CD8B2: variants seen among roughly 807,000 people sequenced by gnomAD.
CD8B2 encodes the protein T-cell surface glycoprotein CD8 beta-2 chain.
CD8B2 carries 11 observed loss-of-function variants against 23.7 expected under a neutral mutation model. The ratio of observed to expected loss-of-function variants is 0.46; its 90% CI spans 0.29 to 0.77. The LOEUF (loss-of-function observed/expected upper bound fraction) is 0.77. Among genes scored for constraint, CD8B2 ranks in the 30% least tolerant of loss-of-function variants. CD8B2 has a pLI of 0.09. For missense variants in CD8B2, 197 were observed against 270.5 expected, an observed-to-expected ratio of 0.73 and a Z score of 1.91; for synonymous variants, 90 against 109.3, an observed-to-expected ratio of 0.82 and a Z score of 1.10.
intron 5 of CD8B2, among the ~76,000 whole-genome samples, chr2:106,532,995 A>G (rs1680012911): frequency 6.6e-6 from 1 of 152,216 alleles, no homozygotes; most frequent in Admixed American, 6.5e-5. Context: ...GCACCAGAGA[A>G]TAAGCTGCTG....
At chr2:106,493,170 C>G (rs986953550) in intron 2 of CD8B2, among the ~76,000 whole-genome samples, 169 of 152,294 alleles carry the variant, frequency 1.1e-3, no homozygotes, top group Non-Finnish European at 1.7e-3. Context: ...GCAATCAGAC[C>G]TTCTTCGGAG....
chr2:106,524,013 T>TC (rs1316093634), intron 5 of CD8B2, among the ~76,000 whole-genome samples: 1 of 152,162 alleles, frequency 6.6e-6, no homozygotes, highest in Admixed American at 6.5e-5. Flanking sequence ...AAATATCAGT[T>TC]CTCTTAGACA....
intron 1 of CD8B2, among the ~76,000 whole-genome samples, chr2:106,490,534 T>C (rs1002273214): frequency 2.0e-5 from 3 of 152,208 alleles, no homozygotes; most frequent in African/African-American, 7.2e-5. Context: ...CAAGACCCCA[T>C]GTCTTTTAAA....
chr2:106,520,728 G>C (rs1679810578), intron 5 of CD8B2, among the ~76,000 whole-genome samples: 2 of 151,984 alleles, frequency 1.3e-5, no homozygotes, highest in African/African-American at 4.8e-5. Context: ...AAATTAGCCG[G>C]ATGTGGTGCC....
intron 5 of CD8B2, among the ~76,000 whole-genome samples, chr2:106,530,655 G>A (rs917722688): frequency 6.6e-6 from 1 of 152,118 alleles, no homozygotes; most frequent in African/African-American, 2.4e-5. Context: ...CTTGAATAGG[G>A]GCTAGGTAAG....
intron 5 of CD8B2, among the ~76,000 whole-genome samples, chr2:106,538,396 T>C (rs986020028): frequency 5.3e-5 from 8 of 152,194 alleles, no homozygotes; most frequent in African/African-American, 1.9e-4. Flanking sequence ...CTTTTCTCTT[T>C]ACTTGTTCTT....
Position 106,509,559 on chromosome 2 carries a change from T to C in CD8B2, c.*2619T>C, listed in dbSNP as rs1403762349. 1.3e-5 allele frequency: 2 copies of C among 151,982 alleles called. No homozygotes were observed. The highest frequency in any genetic ancestry group is 4.8e-5 in the African/African-American group (2 of 41,340). The allele number at this position is 151,982 out of a possible 1,614,324, so 9.4% of individuals were successfully genotyped here. The stretch of plus-strand genomic sequence containing the variant: ...GCATGTACTTGTTCACAAGTTCTCA[T>C]GGGGTTGGGCTGGGGGCAGGGGTGG... On this transcript the variant is annotated 3_prime_UTR_variant, in exon 6 of 6. Coordinates refer to ENST00000643224, the MANE Select transcript of CD8B2 (RefSeq NM_001349727.2).
chr2:106,487,985 TG>T (rs1346162586), intron 1 of CD8B2, among the ~76,000 whole-genome samples: 1 of 152,096 alleles, frequency 6.6e-6, no homozygotes, highest in Non-Finnish European at 1.5e-5. Context: ...CTGATGTGGC[TG>T]GTGTTGGGTG....
At chr2:106,530,483 A>G (rs1190634633) in intron 5 of CD8B2, among the ~76,000 whole-genome samples, 1 of 151,988 alleles carries the variant, frequency 6.6e-6, no homozygotes, top group African/African-American at 2.4e-5. Flanking sequence ...GGTTCACGCC[A>G]TTCTCCCGCC....
At chr2:106,503,907 C>T in intron 4 of CD8B2, among the ~76,000 whole-genome samples, 1 of 152,228 alleles carries the variant, frequency 6.6e-6, no homozygotes, top group Non-Finnish European at 1.5e-5. Flanking sequence ...GACTGCCTGT[C>T]TCTGGGACCT....
intron 5 of CD8B2, among the ~76,000 whole-genome samples, chr2:106,526,484 C>T (rs755672661): frequency 2.5e-4 from 38 of 152,092 alleles, no homozygotes; most frequent in Non-Finnish European, 5.0e-4. Context: ...ATTTGCCTGT[C>T]GTAGACATTT....
downstream of CD8B2, among the ~76,000 whole-genome samples, chr2:106,511,471 G>T (rs1679630011): frequency 6.7e-6 from 1 of 148,760 alleles, no homozygotes; most frequent in African/African-American, 2.5e-5. Flanking sequence ...CTTTCAGTGG[G>T]AAGTAGCCTG....
rs894389790 is a variant in CD8B2 at position 106,510,117 on chromosome 2, C to T, written c.*3177C>T. ...TCTTAATACAATATATGGCGCAATA[C>T]GTAGTCACTGTTAAAATTCAAGCAC... On this transcript the variant is annotated 3_prime_UTR_variant, in exon 6 of 6. Transcript: ENST00000643224. 6.6e-6 allele frequency: 1 copy of T among 152,204 alleles called. No individual in the cohort carries two copies. The highest frequency in any genetic ancestry group is 1.9e-4 in the East Asian group (1 of 5,176). 9.4% of individuals were successfully genotyped at this position (152,204 alleles called of 1,614,324 possible).
At chr2:106,517,263 C>T (rs936005593) in intron 5 of CD8B2, among the ~76,000 whole-genome samples, 6 of 151,864 alleles carry the variant, frequency 4.0e-5, no homozygotes, top group Non-Finnish European at 8.8e-5. Flanking sequence ...TTGGTCATGC[C>T]GACTCCCCCA....
chr2:106,532,493 A>T (rs1255684894), intron 5 of CD8B2, among the ~76,000 whole-genome samples: 3 of 152,240 alleles, frequency 2.0e-5, no homozygotes, highest in African/African-American at 7.2e-5. Flanking sequence ...CAAGCTTATT[A>T]AGAAAGTAAT....
At chr2:106,495,528 G>C (rs1679282395) in intron 2 of CD8B2, among the ~76,000 whole-genome samples, 2 of 152,066 alleles carry the variant, frequency 1.3e-5, no homozygotes, top group Admixed American at 6.6e-5. Flanking sequence ...TACAGAGCGA[G>C]ACTTTGTCTC....
intron 5 of CD8B2, among the ~76,000 whole-genome samples, chr2:106,536,393 G>C (rs1030324650): frequency 7.2e-5 from 11 of 152,048 alleles, no homozygotes; most frequent in African/African-American, 2.4e-4. Flanking sequence ...GCAGCAAAGG[G>C]AGAAATCCAC....
rs142639534 is a variant in CD8B2, at chr2:106,523,559, C to T, written c.620+19234C>T. Among the ~76,000 whole-genome samples the T allele has an allele frequency of 5.0e-3, 759 of 152,224 alleles. 8 individuals are homozygous for T. Among genetic ancestry groups the T allele is most frequent in the African/African-American group, 0.018 (727 of 41,522 alleles). On this transcript the variant is annotated intron_variant, in intron 5 of 5. Coordinates refer to the CD8B2 transcript ENST00000416057. ...TAGAAATAGGGCCTCCTGTGTGATG[C>T]ACTGGGGGGCAATGTTTGGCTTTCT... is the stretch of plus-strand genomic sequence containing the variant.
rs529488709 is a variant in CD8B2, at chr2:106,526,876, A to G, written c.621-17116A>G. The stretch of plus-strand genomic sequence containing the variant: ...AGGCTGGTCTCGAACTCCTGACCTC[A>G]GGTCATCTGCCTGCCTCGGCCTTCC... On this transcript the variant is annotated intron_variant, in intron 5 of 5. Transcript: ENST00000416057. 3.3e-5 allele frequency among the ~76,000 whole-genome samples: 5 copies of G among 152,334 alleles called. No homozygotes were observed. In the South Asian group the frequency reaches 1.0e-3, roughly 32 times the overall value.
Sources: gnomAD v4.1 joint callset for allele counts (sites outside exome capture counted in the v4.1 genomes callset) on GRCh38, gnomAD v4.1.1 for gene constraint, MANE v1.5 for transcripts, NCBI Gene and HGNC (gene_info 2026-07-23, HGNC 2026-07-21) for gene names.